Variants in DSP observed in about 807,000 individuals in gnomAD.
DSP encodes desmoplakin.
A neutral mutation model predicts 290.6 loss-of-function variants in DSP; 114 were observed. The observed-to-expected ratio is 0.39, with a 90% confidence interval of 0.34 to 0.46. The LOEUF is 0.46. Among genes scored for constraint, DSP ranks in the 20% least tolerant of loss-of-function variants. DSP has a pLI of 0.99. For synonymous variants in DSP, 1,311 were observed against 1,316.4 expected (o/e 1.00, Z 0.09); for missense variants, 3,230 against 3,495.8 (o/e 0.92, Z 1.92).
intron 4 of DSP, among the ~76,000 whole-genome samples, chr6:7,562,398 G>T (rs1337865309): frequency 6.8e-6 from 1 of 146,124 alleles, no homozygotes; most frequent in East Asian, 2.0e-4. Flanking sequence ...CAGAAGACAT[G>T]ATCTTGGTTT....
chr6:7,581,045 C>T lies in DSP; in HGVS notation c.4855C>T (p.Leu1619=), dbSNP rs748671969. 3 of 1,614,050 alleles carry T rather than the reference C, an allele frequency of 1.9e-6. No homozygotes were observed. In the South Asian group the frequency reaches 3.3e-5, roughly 18 times the overall value. Residue 1619 remains leucine, a synonymous_variant, in exon 23 of 24, where the codon CTG becomes TTG. Coordinates refer to ENST00000379802, the MANE Select transcript of DSP (RefSeq NM_004415.4). ...CAAAATCACCAACCTGACCCAGCAG[C>T]TGGAGCAGGCATCCATTGTTAAGAA... is the stretch of plus-strand genomic sequence containing the variant. The part of the protein sequence containing the change: ...AIKITNLTQQ[L]EQASIVKKRS...
chr6:7,562,075 T>C lies in DSP; in HGVS notation c.598-577T>C, dbSNP rs80173858. ...TGGAAATTGAATCCTTGAGTAGATA[T>C]AGTGACTTCCCTTTGAAGTGGCCCA... On this transcript the variant is annotated intron_variant, in intron 4 of 23. Coordinates refer to ENST00000379802, the MANE Select transcript of DSP (RefSeq NM_004415.4). Among the ~76,000 whole-genome samples the C allele has an allele frequency of 5.3e-5, 8 of 152,202 alleles. No homozygotes were observed. In the East Asian group the frequency reaches 5.8e-4, roughly 11 times the overall value.
rs771190708 is a variant in DSP at position 7,555,741 on chromosome 6, A to T, written c.194A>T (p.His65Leu). The change falls in exon 2 of 24, where the codon CAC becomes CTC. Residue 65 changes from histidine to leucine, a missense_variant. This residue lies in a region of DSP where 646 missense variants were observed against 684.3 expected (regional missense o/e 0.94). Coordinates refer to ENST00000379802, the MANE Select transcript of DSP (RefSeq NM_004415.4). ...AGTCAAACCGGCACGATGTCCAGGC[A>T]CCAGAACCAGAACACCATCCAGGAG... ...GYCQTGTMSR[H>L]QNQNTIQELL... 1.2e-6 allele frequency: 2 copies of T among 1,614,244 alleles called. No individual in the cohort carries two copies. The highest frequency in any genetic ancestry group is 1.7e-6 in the Non-Finnish European group (2 of 1,180,046).
rs2842691 is a variant in DSP, at chr6:7,578,590, G to A, written c.3084+28G>A. On this transcript the variant is annotated intron_variant, in intron 22 of 23. Transcript: ENST00000379802. Reference sequence around the variant, plus strand: ...AATTTATACTGTCTTTTCTTGTAGCGTCAAAAAAGAAAATAGAATAGAACC... The same window carrying A: ...AATTTATACTGTCTTTTCTTGTAGCATCAAAAAAGAAAATAGAATAGAACC... 1,218,868 of 1,547,294 alleles carry A rather than the reference G, an allele frequency of 0.79. 481,016 individuals are homozygous for A. The highest frequency in any genetic ancestry group is 0.81 in the East Asian group (36,016 of 44,424).
rs764787427 is a variant in DSP at position 7,579,439 on chromosome 6, G to A, written c.3249G>A (p.Lys1083=). 6 of 1,614,062 alleles carry A rather than the reference G, an allele frequency of 3.7e-6. No individual in the cohort carries two copies. The highest frequency in any genetic ancestry group is 5.1e-6 in the Non-Finnish European group (6 of 1,180,048). ...KAKLASLEEL[K]RQAELDGKSA... ...AGCTTGCGAGCCTGGAGGAGCTGAA[G>A]AGACAGGCTGAGCTGGATGGGAAGT... is the stretch of plus-strand genomic sequence containing the variant. Residue 1083 remains lysine, a synonymous_variant, in exon 23 of 24, where the codon AAG becomes AAA. Coordinates refer to ENST00000379802, the MANE Select transcript of DSP (RefSeq NM_004415.4). The surrounding 1 kb of genome is among the most constrained non-coding windows in gnomAD (Gnocchi z 4.1).
chr6:7,554,125 A>ACACACACACACACACACACACACCCC (rs772041102), intron 1 of DSP, among the ~76,000 whole-genome samples: 7 of 144,398 alleles, frequency 4.8e-5, no homozygotes, highest in South Asian at 2.2e-4. Context: ...ACACACACAC[A>ACACACACACACACACACACACACCCC]CCCAGTTGGT....
chr6:7,571,896 A>G lies in DSP; in HGVS notation c.1958A>G (p.Lys653Arg). The G allele has an allele frequency of 1.9e-6, 3 of 1,614,090 alleles. No homozygotes were observed. The highest frequency in any genetic ancestry group is 2.5e-6 in the Non-Finnish European group (3 of 1,180,034). The change falls in exon 15 of 24, where the codon AAA (lysine) becomes AGA (arginine). Residue 653 changes from lysine (K) to arginine (R), a missense_variant. Lys to Arg is a conservative substitution (Grantham distance 26). Around this residue, in one of 5 missense-constraint regions of DSP, gnomAD observed 1,714 missense variants for 1,844.5 expected, o/e 0.93. Coordinates refer to ENST00000379802, the MANE Select transcript of DSP (RefSeq NM_004415.4). ...ACCTGCCAAGATGTCAACCATAATA[A>G]AGTAATTGAAACCAACAGAGAAAAT... ...HGTCQDVNHN[K>R]VIETNRENDK...
rs200806163 is a variant in DSP, at chr6:7,562,721, G to A, written c.667G>A (p.Gly223Ser). The stretch of plus-strand genomic sequence containing the variant: ...GGAGCAGCACATTAACAGCCACCGG[G>A]GCATCCACAACTCCATCGGCGACTA... ...SVEQHINSHR[G>S]IHNSIGDYRW... Residue 223 changes from glycine to serine, a missense_variant, in exon 5 of 24, where the codon GGC (glycine) becomes AGC (serine). By Grantham distance (56) the Gly-to-Ser change is moderately conservative. This residue lies in a region of DSP where 646 missense variants were observed against 684.3 expected (regional missense o/e 0.94). Coordinates refer to ENST00000379802, the MANE Select transcript of DSP (RefSeq NM_004415.4). 31 of 1,614,076 alleles carry A rather than the reference G, an allele frequency of 1.9e-5. No individual in the cohort carries two copies. In the African/African-American group the frequency reaches 3.9e-4, roughly 20 times the overall value.
At position 7,579,230 on chromosome 6, in the gene DSP, G is replaced by A. The variant is rs768909112; in HGVS notation, c.3085-45G>A. ...AAAAGTACTGCTTCTTTCTTGGAAT[G>A]TGAGGTGTTTTTCTTTTGACATAAT... is the stretch of plus-strand genomic sequence containing the variant. On this transcript the variant is annotated intron_variant, in intron 22 of 23. Transcript: ENST00000379802. This position sits in a 1 kb window ranked among gnomAD's most constrained non-coding sequence, Gnocchi z 4.1. The A allele has an allele frequency of 6.2e-7, 1 of 1,609,612 alleles. No homozygotes were observed. Among genetic ancestry groups the A allele is most frequent in the Non-Finnish European group, 8.5e-7 (1 of 1,177,762 alleles).
rs1408947480 is a variant in DSP at position 7,571,594 on chromosome 6, G to A, written c.1903+10G>A. ...CCCCAGCACCAGACAGGTCGGCTTG[G>A]GACATCTTTCTCTTTGTATCAACCA... On this transcript the variant is annotated intron_variant, in intron 14 of 23. Coordinates refer to ENST00000379802, the MANE Select transcript of DSP (RefSeq NM_004415.4). 6.2e-7 allele frequency: 1 copy of A among 1,613,846 alleles called. No individual in the cohort carries two copies. The highest frequency in any genetic ancestry group is 8.5e-7 in the Non-Finnish European group (1 of 1,179,950).
At chr6:7,572,977 T>C (rs1759100785) in intron 15 of DSP, among the ~76,000 whole-genome samples, 1 of 152,160 alleles carries the variant, frequency 6.6e-6, no homozygotes, top group African/African-American at 2.4e-5. Context: ...ATTATAATCT[T>C]ACGGGGGCTG....
chr6:7,562,920 C>A, intron 5 of DSP, 140 bp downstream of exon 5: 1 of 1,276,468 alleles, frequency 7.8e-7, no homozygotes, highest in Non-Finnish European at 1.1e-6. Context: ...AATCCCACTT[C>A]TTAAATGGGG....
At chr6:7,576,537 T>G in intron 19 of DSP, 81 bp downstream of exon 19, 1 of 1,545,522 alleles carries the variant, frequency 6.5e-7, no homozygotes, top group Admixed American at 1.7e-5. Context: ...TTTGTATCAG[T>G]GCCTAGGTTT....
chr6:7,574,073 T>A lies in DSP; in HGVS notation c.2131-13T>A, dbSNP rs771605772. 5 of 1,613,902 alleles carry A rather than the reference T, an allele frequency of 3.1e-6. No individual in the cohort carries two copies. Among genetic ancestry groups the A allele is most frequent in the Non-Finnish European group, 4.2e-6 (5 of 1,179,916 alleles). ...TCAGCTAAATCAAAAGAGCTTTCCT[T>A]CATTTTTGACAGAGTGTGCAGAATG... On this transcript the variant is annotated splice_polypyrimidine_tract_variant and intron_variant, in intron 15 of 23. Transcript: ENST00000379802.
At chr6:7,550,865 G>A (rs540710904) in intron 1 of DSP, among the ~76,000 whole-genome samples, 66 of 150,734 alleles carry the variant, frequency 4.4e-4, no homozygotes, top group Non-Finnish European at 6.9e-4. Context: ...TTTAAAAATC[G>A]AACTTCATGG....
intron 4 of DSP, among the ~76,000 whole-genome samples, chr6:7,561,174 G>T (rs185230340): frequency 6.6e-6 from 1 of 152,082 alleles, no homozygotes; most frequent in African/African-American, 2.4e-5. Flanking sequence ...GGCTGATCTC[G>T]AACTCCTGAC....
intron 6 of DSP, among the ~76,000 whole-genome samples, chr6:7,564,409 C>G (rs1758795495): frequency 6.6e-6 from 1 of 152,090 alleles, no homozygotes; most frequent in South Asian, 2.1e-4. Context: ...GGCAATGATA[C>G]TTTTTAAATA....
intron 1 of DSP, among the ~76,000 whole-genome samples, chr6:7,544,267 A>G (rs2113635214): frequency 6.6e-6 from 1 of 151,906 alleles, no homozygotes; most frequent in Admixed American, 6.5e-5. Flanking sequence ...AATAATAGCG[A>G]CCGCCTGAAG....
chr6:7,575,149 T>C lies in DSP; in HGVS notation c.2437-146T>C, dbSNP rs1036317383. ...ACTGGGAAATGCAATTCAGTAAATATATTTCCCTGGATTGACTGTTAACAC... is the reference window on the plus strand; with the variant it reads ...ACTGGGAAATGCAATTCAGTAAATACATTTCCCTGGATTGACTGTTAACAC... On this transcript the variant is annotated intron_variant, in intron 17 of 23. Transcript: ENST00000379802. The C allele has an allele frequency of 2.6e-5, 20 of 777,128 alleles. No individual in the cohort carries two copies. In the East Asian group the frequency reaches 4.5e-4, roughly 18 times the overall value. The allele number at this position is 777,128 out of a possible 1,614,324, so 48.1% of individuals were successfully genotyped here.
Sources: gnomAD v4.1 joint callset for allele counts (sites outside exome capture counted in the v4.1 genomes callset) on GRCh38, gnomAD v4.1.1 for gene constraint, gnomAD v4.1.1 regional missense constraint, Gnocchi (gnomAD v3.1) non-coding constraint, MANE v1.5 for transcripts, NCBI Gene and HGNC (gene_info 2026-07-23, HGNC 2026-07-21) for gene names.